Variants in LRRIQ1 observed in about 807,000 individuals in gnomAD.
LRRIQ1 encodes leucine-rich repeat- and IQ domain-containing protein 1.
LRRIQ1 carries 210 observed loss-of-function variants against 211.9 expected under a neutral mutation model. The ratio of observed to expected loss-of-function variants is 0.99; its 90% CI spans 0.89 to 1.11. LRRIQ1 has a LOEUF of 1.11. Ranked by LOEUF, LRRIQ1 falls within the 50% of genes most tolerant of loss-of-function variation. The probability of loss-of-function intolerance (pLI) is 0.00; values close to 1 mark genes in which losing one functional copy is unlikely to be tolerated. For missense variants in LRRIQ1, 2,136 were observed against 1,939.5 expected (o/e 1.10, Z -1.90); for synonymous variants, 699 against 650.1 (o/e 1.08, Z -1.14).
chr12:85,244,890 A>T lies in LRRIQ1; in HGVS notation c.5118A>T (p.Arg1706Ser). The T allele has an allele frequency of 1.2e-6, 2 of 1,611,690 alleles. No individual in the cohort carries two copies. The highest frequency in any genetic ancestry group is 1.7e-6 in the Non-Finnish European group (2 of 1,178,370). Residue 1706 changes from arginine (R) to serine (S), a missense_variant, in exon 27 of 27, where the codon AGA becomes AGT. Transcript: ENST00000393217. ...GAGAAAAAAAAAATCAGGCACACAG[A>T]CACTCAGCAGGATCTTCAAGTAAGT... ...VNREKKNQAH[R>S]HSAGSSSKLW...
chr12:85,046,071 G>A lies in LRRIQ1; in HGVS notation c.388G>A (p.Ala130Thr), dbSNP rs755814867. The part of the protein sequence containing the change: ...EEFMRSKTDC[A>T]TPDFVPEPSP... The stretch of plus-strand genomic sequence containing the variant: ...ATTTATGAGAAGTAAAACCGATTGT[G>A]CCACTCCTGATTTTGTTCCTGAGCC... The change falls in exon 5 of 27, where the codon GCC becomes ACC. Residue 130 changes from alanine to threonine, a missense_variant. Physicochemically the swap from Ala to Thr is moderately conservative, Grantham distance 58. Coordinates refer to ENST00000393217, the MANE Select transcript of LRRIQ1 (RefSeq NM_001079910.2). 1.2e-5 allele frequency: 20 copies of A among 1,611,932 alleles called. 1 individual carries two copies. In the South Asian group the frequency reaches 2.2e-4, roughly 18 times the overall value.
intron 24 of LRRIQ1, among the ~76,000 whole-genome samples, chr12:85,182,416 C>T (rs1192341079): frequency 6.6e-6 from 1 of 151,950 alleles, no homozygotes; most frequent in Non-Finnish European, 1.5e-5. Flanking sequence ...ATTATGTGTG[C>T]CAAGATTTAG....
At chr12:85,135,796 C>T (rs1258672551) in intron 18 of LRRIQ1, among the ~76,000 whole-genome samples, 2 of 96,222 alleles carry the variant, frequency 2.1e-5, no homozygotes, top group South Asian at 3.2e-4. Flanking sequence ...ACACAATGTT[C>T]CAGGTTCATT....
chr12:85,061,536 A>G (rs1024137751), intron 8 of LRRIQ1, among the ~76,000 whole-genome samples: 1 of 151,840 alleles, frequency 6.6e-6, no homozygotes, highest in African/African-American at 2.4e-5. Context: ...TTGCCACATC[A>G]TAAATAACTA....
chr12:85,079,244 C>CTTTTTTTTTTTTTTTTTTTTTTTTT (rs3058476), intron 11 of LRRIQ1, among the ~76,000 whole-genome samples: 5 of 103,578 alleles, frequency 4.8e-5, no homozygotes, highest in Admixed American at 1.0e-4. Context: ...GTATCTTTAT[C>CTTTTTTTTTTTTTTTTTTTTTTTTT]TTTTTTTTTT....
intron 24 of LRRIQ1, among the ~76,000 whole-genome samples, chr12:85,189,811 C>A (rs1333084457): frequency 7.0e-6 from 1 of 143,700 alleles, no homozygotes; most frequent in Non-Finnish European, 1.5e-5. Context: ...TGTAACTGTA[C>A]AGTTAATATA....
intron 11 of LRRIQ1, among the ~76,000 whole-genome samples, chr12:85,081,537 G>A (rs1475862363): frequency 6.6e-6 from 1 of 151,124 alleles, no homozygotes; most frequent in Non-Finnish European, 1.5e-5. Context: ...GAAATTAAAA[G>A]TACACACTTA....
chr12:85,144,935 G>A (rs1279639429), intron 19 of LRRIQ1, among the ~76,000 whole-genome samples: 4 of 150,884 alleles, frequency 2.7e-5, no homozygotes, highest in Non-Finnish European at 5.9e-5. Context: ...TTGTTTGTTT[G>A]TTTTTGTTTT....
At chr12:85,091,553 G>T (rs774165962) in intron 11 of LRRIQ1, among the ~76,000 whole-genome samples, 10 of 151,954 alleles carry the variant, frequency 6.6e-5, no homozygotes, top group Non-Finnish European at 8.8e-5. Flanking sequence ...TTGCTTTTGG[G>T]GACTTAGTCA....
chr12:85,062,664 C>T (rs927200079), intron 8 of LRRIQ1, among the ~76,000 whole-genome samples: 12 of 150,748 alleles, frequency 8.0e-5, no homozygotes, highest in South Asian at 4.2e-4. Context: ...ATGAACATAC[C>T]GATATATGTG....
chr12:85,190,771 G>A (rs1258700048), intron 24 of LRRIQ1, among the ~76,000 whole-genome samples: 1 of 151,866 alleles, frequency 6.6e-6, no homozygotes, highest in East Asian at 1.9e-4. Flanking sequence ...TGTACTGGAA[G>A]TGTAGACACC....
intron 17 of LRRIQ1, among the ~76,000 whole-genome samples, chr12:85,126,776 C>T (rs991029654): frequency 1.8e-4 from 27 of 151,672 alleles, no homozygotes; most frequent in East Asian, 1.5e-3. Flanking sequence ...GCCAAAACAA[C>T]AATAGAAAAT....
chr12:85,247,684 A>G (rs1166968360), downstream of LRRIQ1, among the ~76,000 whole-genome samples: 28 of 151,580 alleles, frequency 1.8e-4, no homozygotes, highest in Admixed American at 1.8e-3. Flanking sequence ...ATAGGGTCCT[A>G]AAGAATAGTA....
At chr12:85,179,078 C>T (rs926820822) in intron 24 of LRRIQ1, among the ~76,000 whole-genome samples, 2 of 151,794 alleles carry the variant, frequency 1.3e-5, no homozygotes, top group Admixed American at 6.6e-5. Flanking sequence ...CAATAACAAC[C>T]GAATATCTCC....
At chr12:85,058,012 A>G (rs1881327488) in intron 8 of LRRIQ1, among the ~76,000 whole-genome samples, 1 of 152,010 alleles carries the variant, frequency 6.6e-6, no homozygotes, top group African/African-American at 2.4e-5. Flanking sequence ...TCACTCAGCA[A>G]ATATTCATCT....
intron 1 of LRRIQ1, among the ~76,000 whole-genome samples, chr12:85,258,821 GGGT>G (rs1005313625): frequency 4.0e-5 from 6 of 151,758 alleles, no homozygotes; most frequent in African/African-American, 1.5e-4. Flanking sequence ...ACATAATGTT[GGGT>G]ATATCAATGA....
intron 1 of LRRIQ1, among the ~76,000 whole-genome samples, chr12:85,257,765 T>C (rs1370308339): frequency 6.6e-6 from 1 of 151,742 alleles, no homozygotes; most frequent in Non-Finnish European, 1.5e-5. Context: ...AACCACTCAC[T>C]CAAAGAATTT....
At chr12:85,218,500 C>T (rs563260545) in intron 24 of LRRIQ1, among the ~76,000 whole-genome samples, 1 of 152,090 alleles carries the variant, frequency 6.6e-6, no homozygotes, top group African/African-American at 2.4e-5. Context: ...AAGGAGAAAA[C>T]TGAGACAGAG....
intron 19 of LRRIQ1, among the ~76,000 whole-genome samples, chr12:85,146,861 GA>G (rs1265876295): frequency 6.6e-6 from 1 of 151,696 alleles, no homozygotes; most frequent in African/African-American, 2.4e-5. Context: ...CGCTGTTAGA[GA>G]AAAGAGATAC....
Sources: gnomAD v4.1 joint callset for allele counts (sites outside exome capture counted in the v4.1 genomes callset) on GRCh38, gnomAD v4.1.1 for gene constraint, MANE v1.5 for transcripts, NCBI Gene and HGNC (gene_info 2026-07-23, HGNC 2026-07-21) for gene names.